DMRTC2: variants seen among roughly 807,000 people sequenced by gnomAD.
The protein encoded by DMRTC2 is DMRT like family C2.
In DMRTC2, 13 loss-of-function variants were observed where a neutral mutation model predicts 39.9. The observed-to-expected ratio is 0.33, with a 90% CI of 0.21 to 0.52. The LOEUF is 0.52. DMRTC2 is among the 20% of genes least tolerant of loss of function. DMRTC2 has a pLI of 0.96. For synonymous variants in DMRTC2, 189 were observed against 185.2 expected (o/e 1.02, Z -0.17); for missense variants, 431 against 472.8 (o/e 0.91, Z 0.82).
At chr19:41,846,270 A>T (rs1426497349) in intron 1 of DMRTC2, among the ~76,000 whole-genome samples, 2 of 152,130 alleles carry the variant, frequency 1.3e-5, no homozygotes, top group Non-Finnish European at 2.9e-5. Flanking sequence ...GCCAGGAAAC[A>T]CTGTTGGGAC....
At chr19:41,850,492 G>C (rs372035103) in intron 7 of DMRTC2, 34 bp from the exon 8 acceptor site, 42 of 1,591,636 alleles carry the variant, frequency 2.6e-5, no homozygotes, top group African/African-American at 4.1e-5. Flanking sequence ...AGAAGCGGGG[G>C]TTCCCAGTCT....
chr19:41,847,975 G>A (rs920240225), intron 3 of DMRTC2, 94 bp downstream of exon 3: 50 of 1,447,796 alleles, frequency 3.5e-5, no homozygotes, highest in South Asian at 2.4e-4. Context: ...ATTGGTGTAC[G>A]ACCTTGAACT....
chr19:41,850,869 T>A, intron 8 of DMRTC2, 169 bp downstream of exon 8: 1 of 644,048 alleles, frequency 1.6e-6, no homozygotes, highest in Non-Finnish European at 2.4e-6. Context: ...AGTTATTCAG[T>A]GAATCCTTTT....
chr19:41,851,011 C>A, intron 8 of DMRTC2: 1 of 299,288 alleles, frequency 3.3e-6, no homozygotes, highest in East Asian at 5.7e-5. Flanking sequence ...TGGACCCAGG[C>A]TGCCTGCTGA....
chr19:41,850,651 GC>G lies in DMRTC2; in HGVS notation c.948del (p.Asn317ThrfsTer50). Reference protein sequence around the residue: ...SQAPRVTPSVPPNPAWISLLH... With the variant: ...SQAPRVTPSVXPNPAWISLLH... Reference sequence around the variant, plus strand: ...AGGCTCCTCGTGTGACCCCTTCTGTGCCCCCCAACCCTGCCTGGATCTCCCT... The same window carrying G: ...AGGCTCCTCGTGTGACCCCTTCTGTGCCCCCAACCCTGCCTGGATCTCCCT... On this transcript the variant is annotated frameshift_variant, in exon 8 of 9. Transcript: ENST00000269945. LOFTEE classifies it high-confidence loss of function. 6.2e-7 allele frequency: 1 copy of G among 1,610,774 alleles called. No individual in the cohort carries two copies.
intron 3 of DMRTC2, among the ~76,000 whole-genome samples, chr19:41,848,144 G>A (rs1474944251): frequency 6.6e-6 from 1 of 152,256 alleles, no homozygotes; most frequent in African/African-American, 2.4e-5. Flanking sequence ...TCAAGAGATC[G>A]AGACCATCCT....
At chr19:41,849,536 G>C (rs2073923975) in intron 6 of DMRTC2, among the ~76,000 whole-genome samples, 1 of 152,238 alleles carries the variant, frequency 6.6e-6, no homozygotes, top group South Asian at 2.1e-4. Flanking sequence ...ACCTAGCACA[G>C]ACTCTTTAAT....
In DMRTC2 at chr19:41,851,732, G is replaced by A. The variant is rs782318596; in HGVS notation, c.*36G>A. 158 of 1,561,676 alleles carry A rather than the reference G, an allele frequency of 1.0e-4. 1 individual carries two copies. The South Asian group carries it at 1.7e-3, about 17-fold the overall frequency. On this transcript the variant is annotated 3_prime_UTR_variant, in exon 9 of 9. Transcript: ENST00000269945. The stretch of plus-strand genomic sequence containing the variant: ...ATGGAGGCTGTCTTGCTATGGCAGG[G>A]AGGTGACAGCCTGCTGGCACTGTAT...
intron 5 of DMRTC2, 24 bp downstream of exon 5, chr19:41,848,999 T>C: frequency 1.9e-6 from 3 of 1,613,792 alleles, no homozygotes; most frequent in Non-Finnish European, 2.5e-6. Flanking sequence ...TCAACATTCA[T>C]TCAACATATA....
At chr19:41,851,480 CAGG>C in intron 8 of DMRTC2, 101 bp from the exon 9 acceptor site, 2 of 930,416 alleles carry the variant, frequency 2.1e-6, no homozygotes, top group South Asian at 1.7e-5. Flanking sequence ...TGAAATAATC[CAGG>C]AGAACAATGA....
chr19:41,848,687 G>A (rs1171233085), intron 4 of DMRTC2, 108 bp from the exon 5 acceptor site: 17 of 1,563,380 alleles, frequency 1.1e-5, no homozygotes, highest in Admixed American at 1.7e-5. Flanking sequence ...AGGGGAAAAC[G>A]AGGGCCTCCC....
Position 41,850,675 on chromosome 19 carries a change from C to T in DMRTC2, c.966C>T (p.Ser322=). The T allele has an allele frequency of 6.3e-7, 1 of 1,595,336 alleles. No individual in the cohort carries two copies. Among genetic ancestry groups the T allele is most frequent in the Non-Finnish European group, 8.5e-7 (1 of 1,171,634 alleles). ...PSVPPNPAWI[S]LLHPCGPPAP... ...TGCCCCCCAACCCTGCCTGGATCTC[C>T]CTGCTTCACCCCTGTGGCCCACCAG... Residue 322 remains serine (S), a synonymous_variant, in exon 8 of 9, where the codon TCC becomes TCT. Transcript: ENST00000269945.
chr19:41,845,161 T>A (rs1415395376), intron 1 of DMRTC2, 60 bp downstream of exon 1: 20 of 152,022 alleles, frequency 1.3e-4, no homozygotes, highest in Non-Finnish European at 1.5e-5. Context: ...TCCTCCCTCT[T>A]AGCCGGACTC....
chr19:41,851,815 CTTTTTTGT>C lies in DMRTC2; in HGVS notation c.*122_*129del, dbSNP rs147791847. The C allele has an allele frequency of 3.3e-6, 3 of 898,366 alleles. No individual in the cohort carries two copies. The allele number at this position is 898,366 out of a possible 1,614,324, so 55.6% of individuals were successfully genotyped here. On this transcript the variant is annotated 3_prime_UTR_variant, in exon 9 of 9. Coordinates refer to ENST00000269945, the MANE Select transcript of DMRTC2 (RefSeq NM_001040283.3). The stretch of plus-strand genomic sequence containing the variant: ...AATTTAATGTAGTACAAGCTTCGGG[CTTTTTTGT>C]TTGTTTGTTTGTTTGTTTGTTTAAG...
chr19:41,850,773 C>A, intron 8 of DMRTC2, 73 bp downstream of exon 8: 1 of 1,444,772 alleles, frequency 6.9e-7, no homozygotes, highest in South Asian at 1.4e-5. Flanking sequence ...AGGGACTAAC[C>A]AAGGAGATGA....
chr19:41,847,887 T>C lies in DMRTC2; in HGVS notation c.370+6T>C. The C allele has an allele frequency of 6.3e-7, 1 of 1,577,928 alleles. No individual in the cohort carries two copies. Among genetic ancestry groups the C allele is most frequent in the Non-Finnish European group, 8.6e-7 (1 of 1,161,112 alleles). On this transcript the variant is annotated splice_donor_region_variant and intron_variant, in intron 3 of 8. Transcript: ENST00000269945. ...CACTCAGCCACAGGTCCCCTGTGAG[T>C]GTCTCTGACCAGCGATGGGGCAGGA...
At chr19:41,848,730 C>G (rs1555836594) in intron 4 of DMRTC2, 65 bp from the exon 5 acceptor site, 1 of 1,605,572 alleles carries the variant, frequency 6.2e-7, no homozygotes. Context: ...GCCCGTATCC[C>G]AGAATACACT....
Position 41,851,817 on chromosome 19 carries a change from T to TG in DMRTC2, c.*121_*122insG, listed in dbSNP as rs1555837486. 5.6e-4 allele frequency: 479 copies of TG among 856,300 alleles called. No homozygotes were observed. In the African/African-American group the frequency reaches 7.9e-3, roughly 14 times the overall value. The allele number at this position is 856,300 out of a possible 1,614,324, so 53.0% of individuals were successfully genotyped here. On this transcript the variant is annotated 3_prime_UTR_variant, in exon 9 of 9. Transcript: ENST00000269945. ...TTTAATGTAGTACAAGCTTCGGGCT[T>TG]TTTTGTTTGTTTGTTTGTTTGTTTG...
intron 8 of DMRTC2, chr19:41,851,335 G>T: frequency 4.2e-6 from 2 of 472,180 alleles, no homozygotes; most frequent in East Asian, 3.6e-5. Flanking sequence ...GTATGTGAAG[G>T]GGAGCCAGGG....
Sources: allele counts gnomAD v4.1 joint callset (sites outside exome capture counted in the v4.1 genomes callset), GRCh38; gene constraint gnomAD v4.1.1; transcripts MANE v1.5; gene names NCBI Gene and HGNC (gene_info 2026-07-23, HGNC 2026-07-21).